LYPD2: variants seen among roughly 807,000 people sequenced by gnomAD.
LYPD2 encodes the protein LY6/PLAUR domain containing 2.
Under a neutral mutation model 7.1 loss-of-function variants are expected in LYPD2, and 5 were observed. The observed-to-expected ratio is 0.70, with a 90% CI of 0.37 to 1.48. LYPD2 has a LOEUF of 1.48. Among genes scored for constraint, LYPD2 ranks in the 40% most tolerant of loss-of-function variants. The probability of loss-of-function intolerance (pLI) is 0.03; values close to 1 mark genes in which losing one functional copy is unlikely to be tolerated. For synonymous variants in LYPD2, 78 were observed against 82.0 expected (o/e 0.95, Z 0.26); for missense variants, 177 against 171.0 (o/e 1.04, Z -0.20).
chr8:142,752,517 G>A lies in LYPD2; in HGVS notation c.-66C>T, dbSNP rs1163081199. On this transcript the variant is annotated 5_prime_UTR_variant, in exon 1 of 3. Transcript: ENST00000359228. ...CTGGCGGGGACAGCAGACACCAAGT[G>A]AGGTGGCGACAGACTGGTCTGCTGA... 3.2e-6 allele frequency: 5 copies of A among 1,585,338 alleles called. No homozygotes were observed. Among genetic ancestry groups the A allele is most frequent in the Admixed American group, 1.7e-5 (1 of 58,656 alleles).
At position 142,750,172 on chromosome 8, in the gene LYPD2, A is replaced by G; in HGVS notation, c.*111T>C. The G allele has an allele frequency of 1.1e-6, 1 of 892,012 alleles. No individual in the cohort carries two copies. The highest frequency in any genetic ancestry group is 1.7e-6 in the Non-Finnish European group (1 of 576,192). 55.3% of individuals were successfully genotyped at this position (892,012 alleles called of 1,614,324 possible). On this transcript the variant is annotated 3_prime_UTR_variant, in exon 3 of 3. Transcript: ENST00000359228. ...GGGACATCGACGAGGTCAGAGATGC[A>G]GCAGGGCAGGTCTGTGCCCAGAAAG...
chr8:142,750,905 G>A (rs1814694575), intron 2 of LYPD2, 146 bp downstream of exon 2: 1 of 1,427,244 alleles, frequency 7.0e-7, no homozygotes, highest in Non-Finnish European at 9.6e-7. Flanking sequence ...GGCTGGTGGT[G>A]ACTGGGCTGG....
At chr8:142,752,314 G>A (rs1030738802) in intron 1 of LYPD2, 80 bp downstream of exon 1, 1 of 1,546,500 alleles carries the variant, frequency 6.5e-7, no homozygotes, top group Non-Finnish European at 8.9e-7. Context: ...CCTTCCTGGG[G>A]CGCCCTCCCG....
chr8:142,751,948 C>A (rs1222957519), intron 1 of LYPD2, among the ~76,000 whole-genome samples: 1 of 152,130 alleles, frequency 6.6e-6, no homozygotes, highest in Admixed American at 6.5e-5. Context: ...GACATTGCCC[C>A]TGATGGTTGT....
chr8:142,750,765 T>C (rs1383100987), intron 2 of LYPD2, among the ~76,000 whole-genome samples: 4 of 151,804 alleles, frequency 2.6e-5, no homozygotes, highest in Non-Finnish European at 4.4e-5. Context: ...CAAAACGAGG[T>C]TGCAGATATG....
chr8:142,752,452 G>A lies in LYPD2; in HGVS notation c.-1C>T, dbSNP rs1814730843. ...GGAGCGCCAGCCGCGTCCCCCGCAT[G>A]GTCCCGGCCCACTCCTCTGTGCTCT... On this transcript the variant is annotated 5_prime_UTR_variant, in exon 1 of 3. Transcript: ENST00000359228. 2 of 1,613,318 alleles carry A rather than the reference G, an allele frequency of 1.2e-6. No homozygotes were observed. Among genetic ancestry groups the A allele is most frequent in the East Asian group, 4.5e-5 (2 of 44,846 alleles).
At position 142,750,206 on chromosome 8, in the gene LYPD2, G is replaced by A. The variant is rs968327336; in HGVS notation, c.*77C>T. The A allele has an allele frequency of 1.5e-6, 2 of 1,300,580 alleles. No individual in the cohort carries two copies. The highest frequency in any genetic ancestry group is 2.6e-4 in the Middle Eastern group (1 of 3,908). The allele number at this position is 1,300,580 out of a possible 1,614,324, so 80.6% of individuals were successfully genotyped here. On this transcript the variant is annotated 3_prime_UTR_variant, in exon 3 of 3. Transcript: ENST00000359228. The stretch of plus-strand genomic sequence containing the variant: ...GGTCTGTGCCCAGAAAGGAGACTCA[G>A]GAGTCCTGGTGCAGGGGGCACTTCT...
chr8:142,751,293 G>A (rs1016837969), intron 1 of LYPD2, 123 bp from the exon 2 acceptor site: 6 of 1,341,200 alleles, frequency 4.5e-6, no homozygotes, highest in Non-Finnish European at 6.0e-6. Flanking sequence ...ATGCCTACCA[G>A]CCAAAACTCA....
chr8:142,752,269 G>A, intron 1 of LYPD2, 125 bp downstream of exon 1: 1 of 1,045,710 alleles, frequency 9.6e-7, no homozygotes, highest in African/African-American at 1.6e-5. Flanking sequence ...CACACCCCCG[G>A]CCCCACAGCT....
In LYPD2 at chr8:142,750,383, C is replaced by G. The variant is rs924916993; in HGVS notation, c.278G>C (p.Cys93Ser). The change falls in exon 3 of 3, where the codon TGC becomes TCC. Residue 93 changes from cysteine (C) to serine (S), a missense_variant. Physicochemically the swap from Cys to Ser is moderately radical, Grantham distance 112. Coordinates refer to ENST00000359228, the MANE Select transcript of LYPD2 (RefSeq NM_205545.3). The stretch of plus-strand genomic sequence containing the variant: ...TACATTGCACAGCTCAGTATTGCAG[C>G]AGGACACGGGCAGGGTCTGGCCGAT... ...DGIGQTLPVS[C>S]CNTELCNVDG... The G allele has an allele frequency of 6.4e-7, 1 of 1,573,570 alleles. No homozygotes were observed. Among genetic ancestry groups the G allele is most frequent in the African/African-American group, 1.3e-5 (1 of 74,140 alleles).
In LYPD2 at chr8:142,751,081, A is replaced by C. The variant is rs750558432; in HGVS notation, c.148T>G (p.Cys50Gly). Residue 50 changes from cysteine to glycine, a missense_variant, in exon 2 of 3, where the codon TGC becomes GGC. Coordinates refer to ENST00000359228, the MANE Select transcript of LYPD2 (RefSeq NM_205545.3). ...IATCTTNETM[C>G]KTTLYSREIV... ...TCCCGGGAGTAGAGTGTGGTCTTGCACATGGTTTCGTTGGTGGTGCAGGTG... is the reference window on the plus strand; with the variant it reads ...TCCCGGGAGTAGAGTGTGGTCTTGCCCATGGTTTCGTTGGTGGTGCAGGTG... 55 of 1,614,056 alleles carry C rather than the reference A, an allele frequency of 3.4e-5. No homozygotes were observed. The South Asian group carries it at 5.6e-4, about 16-fold the overall frequency.
chr8:142,750,627 C>G (rs1814683025), intron 2 of LYPD2, 145 bp from the exon 3 acceptor site: 1 of 797,222 alleles, frequency 1.3e-6, no homozygotes, highest in Non-Finnish European at 2.0e-6. Flanking sequence ...TCCTCTTCCT[C>G]TCTCCTCCCA....
chr8:142,750,571 T>C, intron 2 of LYPD2, 89 bp from the exon 3 acceptor site: 3 of 1,325,134 alleles, frequency 2.3e-6, no homozygotes, highest in Non-Finnish European at 2.1e-6. Context: ...CAGGCCCCAC[T>C]CTGGGGTCAC....
In LYPD2 at chr8:142,751,105, T is replaced by A; in HGVS notation, c.124A>T (p.Thr42Ser). The change falls in exon 2 of 3, where the codon ACC becomes TCC. Residue 42 changes from threonine to serine, a missense_variant. Physicochemically the swap from Thr to Ser is moderately conservative, Grantham distance 58. Transcript: ENST00000359228. The stretch of plus-strand genomic sequence containing the variant: ...CACATGGTTTCGTTGGTGGTGCAGG[T>A]GGCGATGGTGACACAGTCCGACACT... ...TGVSDCVTIA[T>S]CTTNETMCKT... is the part of the protein sequence containing the mutation. 1 of 1,614,152 alleles carries A rather than the reference T, an allele frequency of 6.2e-7. No homozygotes were observed. Among genetic ancestry groups the A allele is most frequent in the Non-Finnish European group, 8.5e-7 (1 of 1,180,020 alleles).
intron 1 of LYPD2, among the ~76,000 whole-genome samples, chr8:142,751,733 C>T (rs1324170638): frequency 6.6e-6 from 1 of 152,142 alleles, no homozygotes; most frequent in East Asian, 1.9e-4. Flanking sequence ...CTCCGGTGAC[C>T]CCGGCCCCAA....
At chr8:142,751,923 T>C (rs1038130955) in intron 1 of LYPD2, among the ~76,000 whole-genome samples, 1 of 152,114 alleles carries the variant, frequency 6.6e-6, no homozygotes, top group Admixed American at 6.5e-5. Flanking sequence ...CCAAGCTGCT[T>C]CTGGTTGAGT....
In LYPD2 at chr8:142,752,460, C is replaced by A. The variant is rs373368453; in HGVS notation, c.-9G>T. Reference sequence around the variant, plus strand: ...AGCCGCGTCCCCCGCATGGTCCCGGCCCACTCCTCTGTGCTCTCACCCCAG... The same window carrying A: ...AGCCGCGTCCCCCGCATGGTCCCGGACCACTCCTCTGTGCTCTCACCCCAG... On this transcript the variant is annotated 5_prime_UTR_variant, in exon 1 of 3. Transcript: ENST00000359228. 3.7e-6 allele frequency: 6 copies of A among 1,613,246 alleles called. No homozygotes were observed. Among genetic ancestry groups the A allele is most frequent in the South Asian group, 2.2e-5 (2 of 91,046 alleles).
rs587663589 is a variant in LYPD2, at chr8:142,750,936, C to A, written c.178+115G>T. ...GCTGGAGGTGGCTCTGACCGGGAAC[C>A]CAGCCCTGCCCGCCTTCCGTGCTCA... On this transcript the variant is annotated intron_variant, in intron 2 of 2. Coordinates refer to ENST00000359228, the MANE Select transcript of LYPD2 (RefSeq NM_205545.3). The A allele has an allele frequency of 1.8e-4, 278 of 1,551,236 alleles. 1 individual carries two copies. The South Asian group carries it at 3.1e-3, about 17-fold the overall frequency.
rs1814732255 is a variant in LYPD2 at position 142,752,518 on chromosome 8, A to C, written c.-67T>G. 1.3e-6 allele frequency: 2 copies of C among 1,577,350 alleles called. No homozygotes were observed. The highest frequency in any genetic ancestry group is 2.7e-5 in the African/African-American group (2 of 74,082). ...TGGCGGGGACAGCAGACACCAAGTG[A>C]GGTGGCGACAGACTGGTCTGCTGAG... On this transcript the variant is annotated 5_prime_UTR_variant, in exon 1 of 3. Transcript: ENST00000359228.
Sources: gnomAD v4.1 joint callset for allele counts (sites outside exome capture counted in the v4.1 genomes callset) on GRCh38, gnomAD v4.1.1 for gene constraint, MANE v1.5 for transcripts, NCBI Gene and HGNC (gene_info 2026-07-23, HGNC 2026-07-21) for gene names.